The following FRMD4A variants were observed in gnomAD, a reference collection of about 807,000 sequenced individuals.
FRMD4A encodes the protein FERM domain-containing protein 4A.
In FRMD4A, 29 loss-of-function variants were observed where a neutral mutation model predicts 129.1. The ratio of observed to expected loss-of-function variants is 0.22; its 90% CI spans 0.17 to 0.31. FRMD4A has a LOEUF of 0.31. FRMD4A is among the 10% of genes least tolerant of loss of function. FRMD4A has a pLI of 1.00. For synonymous variants in FRMD4A, 634 were observed against 571.6 expected (o/e 1.11, Z -1.56); for missense variants, 1,272 against 1,375.8 (o/e 0.92, Z 1.19).
At chr10:13,941,570 G>A (rs7067738) in intron 2 of FRMD4A, among the ~76,000 whole-genome samples, 24,153 of 152,162 alleles carry the variant, frequency 0.16, 2,033 homozygotes, top group Admixed American at 0.2. Flanking sequence ...GTCTCAGATC[G>A]TAGACACCAG....
rs2095091132 is a variant in FRMD4A at position 13,923,019 on chromosome 10, C to T, written c.46-64107G>A. ...AAATGGGATGAGAAAAAAATGTGCTCAGTCCATAATGATAACCTAGGGTAA... is the reference window on the plus strand; with the variant it reads ...AAATGGGATGAGAAAAAAATGTGCTTAGTCCATAATGATAACCTAGGGTAA... On this transcript the variant is annotated intron_variant, in intron 2 of 24. Coordinates refer to ENST00000357447, the MANE Select transcript of FRMD4A (RefSeq NM_018027.5). Among the ~76,000 whole-genome samples the T allele has an allele frequency of 3.3e-5, 5 of 152,106 alleles. No homozygotes were observed. The South Asian group carries it at 1.0e-3, about 32-fold the overall frequency.
chr10:13,700,656 A>G (rs1174276506), intron 14 of FRMD4A, among the ~76,000 whole-genome samples: 1 of 152,008 alleles, frequency 6.6e-6, no homozygotes, highest in Non-Finnish European at 1.5e-5. Flanking sequence ...AAGAGGGGGC[A>G]GAGTGTTGAT....
In FRMD4A at chr10:14,064,484, T is replaced by A. The variant is rs139951876; in HGVS notation, c.46-205572A>T. Among the ~76,000 whole-genome samples, 431 of 152,356 alleles carry A rather than the reference T, an allele frequency of 2.8e-3. 5 individuals carry two copies. The highest frequency in any genetic ancestry group is 9.9e-3 in the African/African-American group (412 of 41,586). On this transcript the variant is annotated intron_variant, in intron 2 of 24. Transcript: ENST00000357447. ...AGAATAAATGCTTATTCTTGGGAAA[T>A]TCTGATTCCTTCTGCGTGAACTTTT... is the stretch of plus-strand genomic sequence containing the variant.
intron 12 of FRMD4A, among the ~76,000 whole-genome samples, chr10:13,733,823 C>T (rs937629684): frequency 6.6e-6 from 1 of 152,242 alleles, no homozygotes; most frequent in Non-Finnish European, 1.5e-5. Flanking sequence ...ACGGAAGCTG[C>T]CTCTGCATCT....
At chr10:14,329,794 C>T (rs2078655414) in intron 2 of FRMD4A, among the ~76,000 whole-genome samples, 2 of 152,284 alleles carry the variant, frequency 1.3e-5, no homozygotes, top group South Asian at 2.1e-4. Context: ...TTTCGAGGGG[C>T]TCTTAGCACC....
rs2081074335 is a variant in FRMD4A at position 13,645,633 on chromosome 10, G to A, written c.*1405C>T. The stretch of plus-strand genomic sequence containing the variant: ...GTGCATGACAGTAACTGATGATGTA[G>A]ACACATGGGCCCTTTGGGAGCTGAT... On this transcript the variant is annotated 3_prime_UTR_variant, in exon 25 of 25. Coordinates refer to ENST00000357447, the MANE Select transcript of FRMD4A (RefSeq NM_018027.5). 1 of 152,490 alleles carries A rather than the reference G, an allele frequency of 6.6e-6. No homozygotes were observed. Among genetic ancestry groups the A allele is most frequent in the African/African-American group, 2.4e-5 (1 of 41,398 alleles). 9.4% of individuals were successfully genotyped at this position (152,490 alleles called of 1,614,324 possible). A position where few individuals can be genotyped will look rare whatever the true frequency, so the allele number is the denominator to read the frequency against.
chr10:14,289,124 A>T (rs1845771648), intron 2 of FRMD4A, among the ~76,000 whole-genome samples: 2 of 152,178 alleles, frequency 1.3e-5, no homozygotes, highest in Admixed American at 1.3e-4. Flanking sequence ...ATTATTTTGG[A>T]TATATACCCA....
chr10:14,290,048 A>G (rs891281014), intron 2 of FRMD4A, among the ~76,000 whole-genome samples: 5 of 152,110 alleles, frequency 3.3e-5, no homozygotes, highest in African/African-American at 1.2e-4. Flanking sequence ...AAGTTTAACT[A>G]AAGAGATGAA....
intron 2 of FRMD4A, among the ~76,000 whole-genome samples, chr10:13,942,941 G>GA (rs113631140): frequency 0.042 from 6,211 of 146,674 alleles, 385 homozygotes; most frequent in East Asian, 0.27. Context: ...CAACAAAAAG[G>GA]CAAAAAAAAA....
At chr10:14,214,885 T>C (rs1475045104) in intron 2 of FRMD4A, among the ~76,000 whole-genome samples, 1 of 152,222 alleles carries the variant, frequency 6.6e-6, no homozygotes, top group Non-Finnish European at 1.5e-5. Flanking sequence ...GCCTCCATAC[T>C]AACGTACACT....
chr10:14,066,257 C>A (rs112805952), intron 2 of FRMD4A, among the ~76,000 whole-genome samples: 88 of 151,674 alleles, frequency 5.8e-4, no homozygotes, highest in African/African-American at 2.1e-3. Flanking sequence ...TATTTACTGT[C>A]ACCTGCTGCC....
At chr10:13,718,470 C>G (rs1419038637) in intron 12 of FRMD4A, among the ~76,000 whole-genome samples, 3 of 152,258 alleles carry the variant, frequency 2.0e-5, no homozygotes, top group African/African-American at 7.2e-5. Context: ...GCCACGGTCT[C>G]TGCAGCTGGG....
intron 2 of FRMD4A, among the ~76,000 whole-genome samples, chr10:14,293,452 A>G (rs762429869): frequency 6.6e-5 from 10 of 152,216 alleles, no homozygotes; most frequent in Non-Finnish European, 1.2e-4. Context: ...ATGGACTAAG[A>G]CATACAACAA....
Position 13,926,193 on chromosome 10 carries a change from G to A in FRMD4A, c.46-67281C>T, listed in dbSNP as rs374877429. ...GAAGAAATGGAACAGAAGAGAAAAT[G>A]AGGCTGTGTATTGGAAAACATTTGT... On this transcript the variant is annotated intron_variant, in intron 2 of 24. Transcript: ENST00000357447. Among the ~76,000 whole-genome samples, 25 of 152,298 alleles carry A rather than the reference G, an allele frequency of 1.6e-4. 1 individual carries two copies. In the South Asian group the frequency reaches 5.0e-3, roughly 30 times the overall value.
intron 2 of FRMD4A, among the ~76,000 whole-genome samples, chr10:14,141,250 C>G (rs1250889559): frequency 6.6e-6 from 1 of 152,156 alleles, no homozygotes; most frequent in Non-Finnish European, 1.5e-5. Flanking sequence ...ATCTACAGGG[C>G]ACCCTGGATG....
At chr10:14,309,735 TG>T (rs1443356711) in intron 2 of FRMD4A, among the ~76,000 whole-genome samples, 3 of 152,128 alleles carry the variant, frequency 2.0e-5, no homozygotes, top group Non-Finnish European at 4.4e-5. Flanking sequence ...TATGCCTCCC[TG>T]AAGACTTGCA....
intron 2 of FRMD4A, among the ~76,000 whole-genome samples, chr10:14,002,566 T>A (rs2095646431): frequency 6.6e-6 from 1 of 152,166 alleles, no homozygotes; most frequent in Non-Finnish European, 1.5e-5. Context: ...CATTCTGTCA[T>A]CTAGTGGATA....
intron 2 of FRMD4A, among the ~76,000 whole-genome samples, chr10:13,876,801 T>C (rs1307865488): frequency 6.6e-6 from 1 of 151,708 alleles, no homozygotes; most frequent in Non-Finnish European, 1.5e-5. Context: ...ATAAATATTT[T>C]ATATGAATAA....
intron 6 of FRMD4A, among the ~76,000 whole-genome samples, chr10:13,781,775 T>A (rs1460241594): frequency 1.3e-5 from 2 of 151,746 alleles, no homozygotes; most frequent in African/African-American, 4.8e-5. Context: ...ACTAGAGTGG[T>A]TAAATTCATG....
Sources: gnomAD v4.1 joint callset for allele counts (sites outside exome capture counted in the v4.1 genomes callset) on GRCh38, gnomAD v4.1.1 for gene constraint, MANE v1.5 for transcripts, NCBI Gene and HGNC (gene_info 2026-07-23, HGNC 2026-07-21) for gene names.